LRFN2: variants seen among roughly 807,000 people sequenced by gnomAD.
The protein encoded by LRFN2 is leucine-rich repeat and fibronectin type-III domain-containing protein 2.
A neutral mutation model predicts 37.3 loss-of-function variants in LRFN2; 18 were observed. The ratio of observed to expected loss-of-function variants is 0.48; its 90% confidence interval spans 0.33 to 0.72. The LOEUF (loss-of-function observed/expected upper bound fraction) is 0.72. Ranked by LOEUF, LRFN2 falls within the 30% of genes least tolerant of loss-of-function variation. LRFN2 has a pLI of 0.02. For synonymous variants in LRFN2, 556 were observed against 466.6 expected, an observed-to-expected ratio of 1.19 and a Z score of -2.47; for missense variants, 1,006 against 1,060.7, an observed-to-expected ratio of 0.95 and a Z score of 0.72.
At chr6:40,525,433 T>A (rs1216396236) in intron 1 of LRFN2, among the ~76,000 whole-genome samples, 1 of 152,222 alleles carries the variant, frequency 6.6e-6, no homozygotes, top group East Asian at 1.9e-4. Flanking sequence ...TGGATTTGAT[T>A]TGTGCCTGAT....
chr6:40,424,756 C>T (rs1306498234), intron 2 of LRFN2, among the ~76,000 whole-genome samples: 4 of 152,272 alleles, frequency 2.6e-5, no homozygotes, highest in East Asian at 1.9e-4. Context: ...TCTTGGGAAA[C>T]AGCCGAGTCA....
At chr6:40,511,614 AG>A (rs1765711026) in intron 1 of LRFN2, among the ~76,000 whole-genome samples, 1 of 152,044 alleles carries the variant, frequency 6.6e-6, no homozygotes, top group Admixed American at 6.5e-5. Flanking sequence ...GGCAAGAGGG[AG>A]GTGCTGCAAG....
chr6:40,420,173 G>A (rs1239359820), intron 2 of LRFN2, among the ~76,000 whole-genome samples: 2 of 152,170 alleles, frequency 1.3e-5, no homozygotes, highest in Non-Finnish European at 2.9e-5. Context: ...AAGAGTTAAC[G>A]AGCTCGTTCA....
intron 1 of LRFN2, among the ~76,000 whole-genome samples, chr6:40,559,286 C>T (rs181649229): frequency 3.9e-5 from 6 of 152,264 alleles, no homozygotes; most frequent in African/African-American, 1.4e-4. Context: ...ATCAGGGCCC[C>T]TAAGTAAAGC....
intron 1 of LRFN2, among the ~76,000 whole-genome samples, chr6:40,504,367 T>C (rs949821913): frequency 2.0e-5 from 3 of 152,174 alleles, no homozygotes; most frequent in Non-Finnish European, 2.9e-5. Context: ...CAGGACGATC[T>C]TAAACATGAA....
At chr6:40,577,220 G>C (rs527636969) in intron 1 of LRFN2, among the ~76,000 whole-genome samples, 2 of 151,956 alleles carry the variant, frequency 1.3e-5, no homozygotes, top group African/African-American at 2.4e-5. Context: ...TCCTGCCTCA[G>C]CCTCCCAAGT....
rs934433374 is a variant in LRFN2 at position 40,532,782 on chromosome 6, A to G, written c.-19+54159T>C. ...CATTATTTACATGTCTGCCTCTCCA[A>G]CTGGGATGGGAGCTCATTAAGGGCG... On this transcript the variant is annotated intron_variant, in intron 1 of 2. Coordinates refer to ENST00000338305, the MANE Select transcript of LRFN2 (RefSeq NM_020737.3). Among the ~76,000 whole-genome samples the G allele has an allele frequency of 3.3e-5, 5 of 152,218 alleles. No individual in the cohort carries two copies. The South Asian group carries it at 8.3e-4, about 25-fold the overall frequency.
intron 1 of LRFN2, among the ~76,000 whole-genome samples, chr6:40,455,556 T>C (rs947305963): frequency 2.0e-5 from 3 of 152,174 alleles, no homozygotes; most frequent in Non-Finnish European, 4.4e-5. Flanking sequence ...AAGTATTACA[T>C]ATTCCCCCCA....
At chr6:40,443,948 A>T (rs894274504) in intron 1 of LRFN2, among the ~76,000 whole-genome samples, 1 of 152,158 alleles carries the variant, frequency 6.6e-6, no homozygotes, top group Non-Finnish European at 1.5e-5. Context: ...GTACACAGAT[A>T]CAACCCACTG....
intron 1 of LRFN2, among the ~76,000 whole-genome samples, chr6:40,573,253 A>G (rs913534034): frequency 6.6e-6 from 1 of 152,216 alleles, no homozygotes; most frequent in Non-Finnish European, 1.5e-5. Flanking sequence ...ATTGGGATGA[A>G]AAATGAGACC....
At chr6:40,441,266 G>A (rs1398413589) in intron 1 of LRFN2, among the ~76,000 whole-genome samples, 3 of 151,998 alleles carry the variant, frequency 2.0e-5, no homozygotes, top group Non-Finnish European at 4.4e-5. Flanking sequence ...AATGGAGGGA[G>A]GCCCATGCAT....
At chr6:40,435,046 TATATATAGAGAGAGAGAGAGAGAG>T (rs1763618728) in intron 1 of LRFN2, among the ~76,000 whole-genome samples, 1 of 81,198 alleles carries the variant, frequency 1.2e-5, no homozygotes, top group African/African-American at 5.9e-5. Context: ...TATATATATA[TATATATAGAGAGAGAGAGAGAGAG>T]AGAGAGAGAG....
chr6:40,465,281 C>T (rs1297729910), intron 1 of LRFN2, among the ~76,000 whole-genome samples: 2 of 152,156 alleles, frequency 1.3e-5, no homozygotes, highest in African/African-American at 2.4e-5. Flanking sequence ...TAATGAGACC[C>T]ATTTTGAACT....
chr6:40,435,052 TAGAGAG>T (rs1202054790), intron 1 of LRFN2, among the ~76,000 whole-genome samples: 439 of 37,428 alleles, frequency 0.012, 2 homozygotes, highest in South Asian at 0.015. Context: ...TATATATATA[TAGAGAG>T]AGAGAGAGAG....
chr6:40,492,290 T>C (rs1358373003), intron 1 of LRFN2, among the ~76,000 whole-genome samples: 3 of 152,098 alleles, frequency 2.0e-5, no homozygotes, highest in Non-Finnish European at 4.4e-5. Flanking sequence ...GAAGGTGCAG[T>C]CCCTTCCTCT....
At chr6:40,525,222 T>C (rs1469521622) in intron 1 of LRFN2, among the ~76,000 whole-genome samples, 1 of 152,150 alleles carries the variant, frequency 6.6e-6, no homozygotes, top group East Asian at 1.9e-4. Flanking sequence ...CATAGGCCAC[T>C]CCCTTGCTCG....
chr6:40,410,455 A>G (rs1330897291), intron 2 of LRFN2, among the ~76,000 whole-genome samples: 1 of 152,168 alleles, frequency 6.6e-6, no homozygotes, highest in Non-Finnish European at 1.5e-5. Flanking sequence ...CTCAAATCCC[A>G]TCTCCACAAT....
intron 1 of LRFN2, among the ~76,000 whole-genome samples, chr6:40,562,692 T>A (rs1449938535): frequency 1.3e-5 from 2 of 152,048 alleles, no homozygotes; most frequent in Non-Finnish European, 2.9e-5. Flanking sequence ...ACACACATAT[T>A]AATCAGCTAG....
intron 1 of LRFN2, among the ~76,000 whole-genome samples, chr6:40,485,229 C>G (rs998689776): frequency 2.6e-5 from 4 of 152,202 alleles, no homozygotes; most frequent in Non-Finnish European, 2.9e-5. Context: ...CAAAGTAGCT[C>G]CCAAGTCAGT....
Sources: gnomAD v4.1 joint callset for allele counts (sites outside exome capture counted in the v4.1 genomes callset) on GRCh38, gnomAD v4.1.1 for gene constraint, MANE v1.5 for transcripts, NCBI Gene and HGNC (gene_info 2026-07-23, HGNC 2026-07-21) for gene names.